Variants in MIS18A observed in about 807,000 individuals in gnomAD.
The protein encoded by MIS18A is MIS18 kinetochore protein A.
MIS18A carries 14 observed loss-of-function variants against 25.0 expected under a neutral mutation model. The ratio of observed to expected loss-of-function variants is 0.56; its 90% CI spans 0.37 to 0.88. The LOEUF (loss-of-function observed/expected upper bound fraction) is 0.88. Among genes scored for constraint, MIS18A ranks in the 40% least tolerant of loss-of-function variants. The probability of loss-of-function intolerance (pLI) is 0.00; values close to 1 mark genes in which losing one functional copy is unlikely to be tolerated. For missense variants in MIS18A, 292 were observed against 290.8 expected (o/e 1.00, Z -0.03); for synonymous variants, 134 against 118.6 (o/e 1.13, Z -0.84).
At chr21:32,172,388 C>T in the MIS18A span, among the ~76,000 whole-genome samples, 22 of 152,138 alleles carry the variant, frequency 1.4e-4, no homozygotes, top group Middle Eastern at 6.8e-3. Flanking sequence ...ATGGTAACAT[C>T]CTAAGTGTCT....
At chr21:32,235,473 G>C in the MIS18A span, among the ~76,000 whole-genome samples, 37 of 152,270 alleles carry the variant, frequency 2.4e-4, no homozygotes, top group Non-Finnish European at 1.5e-5. Flanking sequence ...CAGTGCATCT[G>C]AATCCTTGCC....
At chr21:32,184,747 G>A in the MIS18A span, among the ~76,000 whole-genome samples, 1 of 152,046 alleles carries the variant, frequency 6.6e-6, no homozygotes, top group African/African-American at 2.4e-5. Context: ...GGCTCCCTCC[G>A]CTGACACCTT....
the MIS18A span, among the ~76,000 whole-genome samples, chr21:32,160,859 A>G: frequency 1.2e-4 from 19 of 152,004 alleles, no homozygotes; most frequent in Non-Finnish European, 2.2e-4. Context: ...TCGAACTTCC[A>G]ACCTCAGGTG....
the MIS18A span, among the ~76,000 whole-genome samples, chr21:32,181,480 G>A: frequency 6.6e-6 from 1 of 152,188 alleles, no homozygotes. Context: ...ATCTTAGTTT[G>A]AGTGAGAGCA....
At chr21:32,169,316 A>G in the MIS18A span, among the ~76,000 whole-genome samples, 2 of 152,108 alleles carry the variant, frequency 1.3e-5, no homozygotes, top group African/African-American at 4.8e-5. Context: ...AACTCCCTGG[A>G]AAAGCCCCAT....
the MIS18A span, among the ~76,000 whole-genome samples, chr21:32,198,224 G>T: frequency 6.6e-6 from 1 of 152,206 alleles, no homozygotes; most frequent in Non-Finnish European, 1.5e-5. Context: ...AAGAGGGCCT[G>T]GGAAGGGGCA....
chr21:32,228,218 A>G, the MIS18A span, among the ~76,000 whole-genome samples: 5 of 152,136 alleles, frequency 3.3e-5, no homozygotes, highest in Non-Finnish European at 7.3e-5. Flanking sequence ...TCTCCTGAGT[A>G]GCTGGGATTA....
At chr21:32,273,655 G>C (rs1327154358) in intron 2 of MIS18A, among the ~76,000 whole-genome samples, 1 of 152,098 alleles carries the variant, frequency 6.6e-6, no homozygotes, top group Non-Finnish European at 1.5e-5. Context: ...TGAAATGGTA[G>C]CTCCTAATGT....
At chr21:32,177,928 T>C in the MIS18A span, among the ~76,000 whole-genome samples, 5 of 151,432 alleles carry the variant, frequency 3.3e-5, no homozygotes, top group South Asian at 6.3e-4. Context: ...CTTTTCTTTT[T>C]TTTTGAGACA....
the MIS18A span, among the ~76,000 whole-genome samples, chr21:32,189,234 T>A: frequency 6.6e-6 from 1 of 152,238 alleles, no homozygotes; most frequent in Non-Finnish European, 1.5e-5. Context: ...CTGCCTTGTA[T>A]CTGGGAACTC....
the MIS18A span, among the ~76,000 whole-genome samples, chr21:32,252,466 CATGT>C: frequency 6.6e-6 from 1 of 152,028 alleles, no homozygotes; most frequent in Non-Finnish European, 1.5e-5. Flanking sequence ...AAGAAGAAGA[CATGT>C]ATGTATTAGT....
the MIS18A span, among the ~76,000 whole-genome samples, chr21:32,159,294 A>C: frequency 6.6e-6 from 1 of 152,354 alleles, no homozygotes; most frequent in Admixed American, 6.5e-5. Context: ...TAAAACTGTG[A>C]GAGCCAATAT....
the MIS18A span, among the ~76,000 whole-genome samples, chr21:32,214,628 A>C: frequency 1.3e-5 from 2 of 152,336 alleles, no homozygotes; most frequent in East Asian, 1.9e-4. Context: ...TCTTGAAAAG[A>C]AGCACACAAC....
chr21:32,268,795 GTT>G lies in MIS18A; in HGVS notation c.*240_*241del. 1 of 312,614 alleles carries G rather than the reference GTT, an allele frequency of 3.2e-6. No individual in the cohort carries two copies. The highest frequency in any genetic ancestry group is 2.2e-5 in the African/African-American group (1 of 45,628). 19.4% of individuals were successfully genotyped at this position (312,614 alleles called of 1,614,324 possible). A position where few individuals can be genotyped will look rare whatever the true frequency, so the allele number is the denominator to read the frequency against. ...TATAGAAGTAATTCTACAATTTTGG[GTT>G]TTTTTTTTGAGAGAAGGTCTCACTC... On this transcript the variant is annotated 3_prime_UTR_variant, in exon 5 of 5. Coordinates refer to ENST00000290130, the MANE Select transcript of MIS18A (RefSeq NM_018944.3).
the MIS18A span, among the ~76,000 whole-genome samples, chr21:32,230,573 C>A: frequency 9.1e-4 from 139 of 152,244 alleles, 2 homozygotes; most frequent in South Asian, 0.013. Context: ...CAGTTGTGTT[C>A]CTACCTGCCC....
At chr21:32,202,278 A>G in the MIS18A span, among the ~76,000 whole-genome samples, 1 of 150,938 alleles carries the variant, frequency 6.6e-6, no homozygotes, top group Admixed American at 6.7e-5. Flanking sequence ...ACAGACTGTG[A>G]CCTTGCCTCA....
At chr21:32,215,535 G>A in the MIS18A span, among the ~76,000 whole-genome samples, 15 of 152,180 alleles carry the variant, frequency 9.9e-5, no homozygotes, top group South Asian at 6.2e-4. Flanking sequence ...AGCCAGGGAC[G>A]GTCAGGATAT....
chr21:32,246,596 G>A, the MIS18A span, among the ~76,000 whole-genome samples: 1 of 152,142 alleles, frequency 6.6e-6, no homozygotes, highest in Non-Finnish European at 1.5e-5. Context: ...GTCCTTGTGG[G>A]AACTCCCTGA....
the MIS18A span, among the ~76,000 whole-genome samples, chr21:32,234,874 T>C: frequency 7.2e-5 from 11 of 152,212 alleles, no homozygotes; most frequent in African/African-American, 2.4e-4. Flanking sequence ...TGGGTATTCC[T>C]TTATAGCAAC....
Sources: allele counts gnomAD v4.1 joint callset (sites outside exome capture counted in the v4.1 genomes callset), GRCh38; gene constraint gnomAD v4.1.1; transcripts MANE v1.5; gene names NCBI Gene and HGNC (gene_info 2026-07-23, HGNC 2026-07-21).